The following RYR2 variants were observed in gnomAD, a reference collection of about 807,000 sequenced individuals.
RYR2 encodes the protein ryanodine receptor 2.
RYR2 carries 227 observed loss-of-function variants against 601.1 expected under a neutral mutation model. The ratio of observed to expected loss-of-function variants is 0.38; its 90% CI spans 0.34 to 0.42. RYR2 has a LOEUF of 0.42. RYR2 is among the 10% of genes least tolerant of loss of function. RYR2 has a pLI of 1.00. For synonymous variants in RYR2, 2,223 were observed against 2,175.1 expected, an observed-to-expected ratio of 1.02 and a Z score of -0.61; for missense variants, 4,646 against 6,156.5, an observed-to-expected ratio of 0.75 and a Z score of 8.21.
chr1:237,600,389 A>G (rs1676371218), intron 34 of RYR2, among the ~76,000 whole-genome samples: 1 of 152,206 alleles, frequency 6.6e-6, no homozygotes, highest in Admixed American at 6.5e-5. Context: ...GGGAAAATTG[A>G]ATATCCACAT....
intron 73 of RYR2, 74 bp from the exon 74 acceptor site, chr1:237,723,054 C>T: frequency 7.5e-7 from 1 of 1,325,462 alleles, no homozygotes; most frequent in Non-Finnish European, 1.0e-6. Context: ...TGGGTGGACT[C>T]TTCCTATCTT....
intron 17 of RYR2, among the ~76,000 whole-genome samples, chr1:237,489,037 T>C (rs919154853): frequency 1.3e-5 from 2 of 152,198 alleles, no homozygotes; most frequent in Non-Finnish European, 2.9e-5. Flanking sequence ...ACCCTGCCTT[T>C]GTAGTGTGAA....
At chr1:237,484,034 G>A (rs1662409239) in intron 17 of RYR2, among the ~76,000 whole-genome samples, 1 of 152,120 alleles carries the variant, frequency 6.6e-6, no homozygotes, top group African/African-American at 2.4e-5. Context: ...TCCTTTACAT[G>A]GGGCAGTTCA....
At position 237,491,911 on chromosome 1, in the gene RYR2, G is replaced by C. The variant is rs1663391660; in HGVS notation, c.1814G>C (p.Gly605Ala). 7.8e-7 allele frequency: 1 copy of C among 1,281,800 alleles called. No homozygotes were observed. Among genetic ancestry groups the C allele is most frequent in the African/African-American group, 1.5e-5 (1 of 67,082 alleles). 79.4% of individuals were successfully genotyped at this position (1,281,800 alleles called of 1,614,324 possible). Residue 605 changes from glycine to alanine, a missense_variant, in exon 18 of 105, where the codon GGA (glycine) becomes GCA (alanine). By Grantham distance (60) the Gly-to-Ala change is moderately conservative. This residue lies in a region of RYR2 where 1,807 missense variants were observed against 2,088.1 expected (regional missense o/e 0.87). Coordinates refer to ENST00000366574, the MANE Select transcript of RYR2 (RefSeq NM_001035.3). ...KSIISLLDKHGRNHKVLDVLC... is the reference protein window; with the variant it reads ...KSIISLLDKHARNHKVLDVLC... ...ATTATCTCACTTTTAGACAAACATG[G>C]AAGAAATCACAAGGTAAATGAACTA...
intron 104 of RYR2, 108 bp downstream of exon 104, chr1:237,831,673 A>G: frequency 1.5e-6 from 1 of 670,216 alleles, no homozygotes; most frequent in Non-Finnish European, 2.6e-6. Flanking sequence ...ACTTTCAGAT[A>G]TTAGTTGTGG....
chr1:237,381,950 A>G (rs879904957), intron 8 of RYR2, among the ~76,000 whole-genome samples: 1 of 152,248 alleles, frequency 6.6e-6, no homozygotes, highest in African/African-American at 2.4e-5. Context: ...TCTTTTAAAG[A>G]AGGCCTTAGC....
At chr1:237,351,854 CAA>C (rs33955032) in intron 3 of RYR2, among the ~76,000 whole-genome samples, 932 of 40,886 alleles carry the variant, frequency 0.023, 1 homozygote, top group African/African-American at 0.076. Context: ...AAAGACCATG[CAA>C]AAAAAAAAAA....
chr1:237,243,252 G>T (rs1158492055), intron 1 of RYR2, among the ~76,000 whole-genome samples: 1 of 151,972 alleles, frequency 6.6e-6, no homozygotes, highest in East Asian at 1.9e-4. Context: ...ACAGGTTGGG[G>T]GCTCAGTCCC....
At chr1:237,327,396 A>G (rs1210729611) in intron 2 of RYR2, among the ~76,000 whole-genome samples, 1 of 152,226 alleles carries the variant, frequency 6.6e-6, no homozygotes, top group Non-Finnish European at 1.5e-5. Flanking sequence ...GGATTAATTC[A>G]TTTGAAACCC....
intron 1 of RYR2, among the ~76,000 whole-genome samples, chr1:237,177,385 C>T (rs1043061297): frequency 2.0e-4 from 30 of 152,298 alleles, no homozygotes; most frequent in African/African-American, 7.2e-4. Context: ...TACTAACTTT[C>T]AGTGGTTCTC....
At chr1:237,572,660 T>G (rs903310449) in intron 29 of RYR2, among the ~76,000 whole-genome samples, 1 of 152,210 alleles carries the variant, frequency 6.6e-6, no homozygotes, top group Non-Finnish European at 1.5e-5. Context: ...GTTGCTGGGC[T>G]TTTATTAGAG....
chr1:237,723,326 A>C (rs549276090), intron 74 of RYR2, 64 bp downstream of exon 74: 1 of 1,321,814 alleles, frequency 7.6e-7, no homozygotes, highest in African/African-American at 1.4e-5. Context: ...TAAAAAGAGA[A>C]TGTGTGTTAA....
chr1:237,064,845 C>G (rs1186812452), intron 1 of RYR2, among the ~76,000 whole-genome samples: 2 of 140,360 alleles, frequency 1.4e-5, no homozygotes, highest in Non-Finnish European at 3.0e-5. Context: ...CCATCACATC[C>G]TATGATTTGG....
At chr1:237,806,751 G>A (rs903294647) in intron 99 of RYR2, among the ~76,000 whole-genome samples, 4 of 152,104 alleles carry the variant, frequency 2.6e-5, no homozygotes, top group Admixed American at 6.6e-5. Flanking sequence ...GGATATTCAT[G>A]TACTCTTTAC....
chr1:237,540,575 C>A (rs1669150025), intron 25 of RYR2, among the ~76,000 whole-genome samples: 1 of 152,080 alleles, frequency 6.6e-6, no homozygotes, highest in South Asian at 2.1e-4. Context: ...CGCATGGTGG[C>A]AGGTGCCTGT....
intron 102 of RYR2, among the ~76,000 whole-genome samples, chr1:237,829,099 GA>G (rs1292741468): frequency 6.6e-6 from 1 of 152,216 alleles, no homozygotes; most frequent in Admixed American, 6.5e-5. Context: ...TTCTGATGAT[GA>G]GGCTGGAGAG....
chr1:237,456,791 A>T, intron 16 of RYR2, 56 bp downstream of exon 16: 1 of 1,587,524 alleles, frequency 6.3e-7, no homozygotes, highest in East Asian at 2.2e-5. Context: ...AATGTCCATA[A>T]ATGGACTAGG....
chr1:237,570,085 G>T (rs886960599), intron 29 of RYR2, among the ~76,000 whole-genome samples: 2 of 151,898 alleles, frequency 1.3e-5, no homozygotes, highest in Non-Finnish European at 2.9e-5. Flanking sequence ...GGGCATGGTG[G>T]CATGCACCTG....
At chr1:237,090,290 A>G (rs759920902) in intron 1 of RYR2, among the ~76,000 whole-genome samples, 6 of 152,204 alleles carry the variant, frequency 3.9e-5, no homozygotes, top group Non-Finnish European at 7.3e-5. Flanking sequence ...CAGAACCTGT[A>G]AATATGTTAC....
Sources: gnomAD v4.1 joint callset for allele counts (sites outside exome capture counted in the v4.1 genomes callset) on GRCh38, gnomAD v4.1.1 for gene constraint, gnomAD v4.1.1 regional missense constraint, MANE v1.5 for transcripts, NCBI Gene and HGNC (gene_info 2026-07-23, HGNC 2026-07-21) for gene names.